The following NR1H3 variants were observed in gnomAD, a reference collection of about 807,000 sequenced individuals.
NR1H3 encodes the protein nuclear receptor subfamily 1 group H member 3.
A neutral mutation model predicts 48.1 loss-of-function variants in NR1H3; 19 were observed. The observed-to-expected ratio is 0.40, with a 90% CI of 0.28 to 0.58. The LOEUF (loss-of-function observed/expected upper bound fraction) is 0.58, where lower values mean the gene tolerates loss of function less well. Ranked by LOEUF, NR1H3 falls within the 20% of genes least tolerant of loss-of-function variation. NR1H3 has a pLI of 0.50. For missense variants in NR1H3, 486 were observed against 595.9 expected (o/e 0.82, Z 1.92); for synonymous variants, 232 against 227.3 (o/e 1.02, Z -0.19).
rs942728216 is a variant in NR1H3 at position 47,261,844 on chromosome 11, C to T, written c.889-75C>T. The T allele has an allele frequency of 6.3e-6, 10 of 1,592,138 alleles. No individual in the cohort carries two copies. In the Admixed American group the frequency reaches 6.7e-5, roughly 11 times the overall value. On this transcript the variant is annotated intron_variant, in intron 6 of 9. Transcript: ENST00000441012. ...GCTGGGAAGCAGGGATGAGGAGAAT[C>T]GGCCTCCCTGGAAGAGGCCATGCTC... is the stretch of plus-strand genomic sequence containing the variant.
At chr11:47,258,377 C>G (rs61896015) in intron 1 of NR1H3, 1 of 191,712 alleles carries the variant, frequency 5.2e-6, no homozygotes, top group Admixed American at 6.5e-5. Flanking sequence ...GAAAGTGGCA[C>G]GAGCGAGGTT....
In NR1H3 at chr11:47,259,820, G is replaced by C; in HGVS notation, c.73G>C (p.Ala25Pro). 6.2e-7 allele frequency: 1 copy of C among 1,612,262 alleles called. No individual in the cohort carries two copies. The highest frequency in any genetic ancestry group is 8.5e-7 in the Non-Finnish European group (1 of 1,179,938). ...TGCGGTGGAGCTGTGGAAGCCAGGC[G>C]CACAGGATGCAAGCAGCCAGGCCCA... is the stretch of plus-strand genomic sequence containing the variant. ...DSAVELWKPGAQDASSQAQGG... is the reference protein window; with the variant it reads ...DSAVELWKPGPQDASSQAQGG... Residue 25 changes from alanine (A) to proline (P), a missense_variant, in exon 3 of 10, where the codon GCA (alanine) becomes CCA (proline). By Grantham distance (27) the Ala-to-Pro change is conservative (BLOSUM62 -1). Transcript: ENST00000441012.
Position 47,259,855 on chromosome 11 carries a change from C to T in NR1H3, c.108C>T (p.Ser36=), listed in dbSNP as rs943635765. Residue 36 remains serine, a synonymous_variant, in exon 3 of 10, where the codon AGC becomes AGT. Coordinates refer to ENST00000441012, the MANE Select transcript of NR1H3 (RefSeq NM_005693.4). ...QDASSQAQGG[S]SCILREEARM... ...CAAGCAGCCAGGCCCAGGGAGGCAGCAGCTGCATCCTCAGAGAGGAAGCCA... is the reference window on the plus strand; with the variant it reads ...CAAGCAGCCAGGCCCAGGGAGGCAGTAGCTGCATCCTCAGAGAGGAAGCCA... 1 of 1,612,710 alleles carries T rather than the reference C, an allele frequency of 6.2e-7. No individual in the cohort carries two copies. Among genetic ancestry groups the T allele is most frequent in the East Asian group, 2.2e-5 (1 of 44,868 alleles).
At chr11:47,256,610 G>A (rs556157709), upstream of NR1H3, among the ~76,000 whole-genome samples, 39 of 143,074 alleles carry the variant, frequency 2.7e-4, no homozygotes, top group Non-Finnish European at 4.3e-4. Flanking sequence ...CCAGGAGTGT[G>A]AAGCCAGCCT....
Position 47,268,796 on chromosome 11 carries a change from G to A in NR1H3, c.*100G>A, listed in dbSNP as rs1957737058. 2 of 1,447,900 alleles carry A rather than the reference G, an allele frequency of 1.4e-6. No homozygotes were observed. Among genetic ancestry groups the A allele is most frequent in the East Asian group, 2.3e-5 (1 of 43,906 alleles). 89.7% of individuals were successfully genotyped at this position (1,447,900 alleles called of 1,614,324 possible). A position where few individuals can be genotyped will look rare whatever the true frequency, so the allele number is the denominator to read the frequency against. ...AGACTGAGAAGGGCAAACATTCCTGGGAGCTGGGCAAGGAGATCCTCCCGT... is the reference window on the plus strand; with the variant it reads ...AGACTGAGAAGGGCAAACATTCCTGAGAGCTGGGCAAGGAGATCCTCCCGT... On this transcript the variant is annotated 3_prime_UTR_variant, in exon 10 of 10. Coordinates refer to ENST00000441012, the MANE Select transcript of NR1H3 (RefSeq NM_005693.4).
At chr11:47,267,752 G>A (rs1324269604) in intron 7 of NR1H3, among the ~76,000 whole-genome samples, 161 bp from the exon 8 acceptor site, 2 of 151,992 alleles carry the variant, frequency 1.3e-5, no homozygotes, top group South Asian at 2.1e-4. Context: ...CAGGTGATCC[G>A]CCCGCCTCAG....
At chr11:47,258,286 TA>T in intron 1 of NR1H3, 157 bp downstream of exon 1, 7 of 809,926 alleles carry the variant, frequency 8.6e-6, no homozygotes, top group Non-Finnish European at 9.0e-6. Context: ...GGTCCCAGAA[TA>T]ACTCATGAGG....
chr11:47,259,101 G>A, intron 1 of NR1H3, 79 bp from the exon 2 acceptor site: 1 of 1,592,390 alleles, frequency 6.3e-7, no homozygotes, highest in East Asian at 2.3e-5. Flanking sequence ...TTGATAAAAG[G>A]GAGGATCAGG....
chr11:47,258,636 T>C (rs1329555968), intron 1 of NR1H3: 1 of 152,760 alleles, frequency 6.5e-6, no homozygotes, highest in East Asian at 1.9e-4. Context: ...TGAACCTCAG[T>C]TTGCTTATCT....
At chr11:47,255,537 TTCTTTTTCTTTC>T (rs1171930011), upstream of NR1H3, among the ~76,000 whole-genome samples, 6,951 of 122,328 alleles carry the variant, frequency 0.057, 283 homozygotes, top group Non-Finnish European at 0.084. Context: ...CTTTCTTTCT[TTCTTTTTCTTTC>T]TTTCTTTCTT....
chr11:47,255,595 T>TTCTTTCTC (rs1565178673), upstream of NR1H3, among the ~76,000 whole-genome samples: 62 of 61,386 alleles, frequency 1.0e-3, no homozygotes, highest in African/African-American at 4.3e-3. Context: ...CTTTCTTTCT[T>TTCTTTCTC]TCTCTCTCTC....
At chr11:47,260,079 G>T (rs752306850) in intron 3 of NR1H3, 100 bp downstream of exon 3, 1 of 1,115,958 alleles carries the variant, frequency 9.0e-7, no homozygotes, top group Non-Finnish European at 1.2e-6. Flanking sequence ...ATAATCTCAT[G>T]GTTAAGTTCA....
At chr11:47,255,055 A>G (rs1203418656), upstream of NR1H3, among the ~76,000 whole-genome samples, 3 of 152,238 alleles carry the variant, frequency 2.0e-5, no homozygotes, top group Non-Finnish European at 4.4e-5. Context: ...AATGACCAGC[A>G]GTAACCTCAG....
chr11:47,266,405 C>T (rs1002747770), intron 7 of NR1H3, among the ~76,000 whole-genome samples: 1 of 151,578 alleles, frequency 6.6e-6, no homozygotes, highest in Admixed American at 6.6e-5. Context: ...AGAACAATCT[C>T]GGCTCACTGC....
At chr11:47,252,787 G>C (rs151075356) in intron 1 of NR1H3, among the ~76,000 whole-genome samples, 1 of 145,926 alleles carries the variant, frequency 6.9e-6, no homozygotes, top group Non-Finnish European at 1.5e-5. Context: ...ACAGGGTTTC[G>C]CCGTGTTAGC....
intron 3 of NR1H3, 93 bp downstream of exon 3, chr11:47,260,072 A>C: frequency 2.6e-6 from 3 of 1,140,068 alleles, no homozygotes; most frequent in Non-Finnish European, 3.6e-6. Flanking sequence ...TTTATATATA[A>C]TCTCATGGTT....
chr11:47,255,445 C>A (rs1366316985), upstream of NR1H3, among the ~76,000 whole-genome samples: 2 of 152,224 alleles, frequency 1.3e-5, no homozygotes, highest in African/African-American at 2.4e-5. Context: ...AATGGGAAGA[C>A]CTACAGCTGA....
At position 47,268,370 on chromosome 11, in the gene NR1H3, G is replaced by T; in HGVS notation, c.1197+15G>T. 6.2e-7 allele frequency: 1 copy of T among 1,612,874 alleles called. No homozygotes were observed. The highest frequency in any genetic ancestry group is 1.1e-5 in the South Asian group (1 of 91,046). On this transcript the variant is annotated intron_variant, in intron 9 of 9. Transcript: ENST00000441012. Reference sequence around the variant, plus strand: ...ACCATCCCCATGTGAGTCTCCCCATGGTGTTCCTTTTCCTCCTTCCCACAC... The same window carrying T: ...ACCATCCCCATGTGAGTCTCCCCATTGTGTTCCTTTTCCTCCTTCCCACAC...
intron 7 of NR1H3, among the ~76,000 whole-genome samples, chr11:47,265,391 A>G (rs769316841): frequency 1.6e-4 from 24 of 152,248 alleles, no homozygotes; most frequent in Non-Finnish European, 3.2e-4. Flanking sequence ...GAAGTGACTC[A>G]CCAAGAAGCC....
Sources: allele counts gnomAD v4.1 joint callset (sites outside exome capture counted in the v4.1 genomes callset), GRCh38; gene constraint gnomAD v4.1.1; transcripts MANE v1.5; gene names NCBI Gene and HGNC (gene_info 2026-07-23, HGNC 2026-07-21).